Variants in SGCD observed in about 807,000 individuals in gnomAD.
SGCD encodes sarcoglycan delta.
In SGCD, 18 loss-of-function variants were observed where a neutral mutation model predicts 36.6. That is an observed-to-expected ratio of 0.49 (90% CI 0.34 to 0.73). SGCD has a LOEUF of 0.73. Ranked by LOEUF, SGCD falls within the 30% of genes least tolerant of loss-of-function variation. SGCD has a pLI of 0.01. For synonymous variants in SGCD, 133 were observed against 130.6 expected (o/e 1.02, Z -0.12); for missense variants, 387 against 346.7 (o/e 1.12, Z -0.92).
intron 3 of SGCD, among the ~76,000 whole-genome samples, chr5:156,393,039 C>G (rs949129715): frequency 5.3e-5 from 8 of 152,182 alleles, no homozygotes; most frequent in African/African-American, 1.4e-4. Flanking sequence ...GGCACAGGCC[C>G]AGGGTTGGAG....
At chr5:156,292,654 T>A (rs867595427) in intron 3 of SGCD, among the ~76,000 whole-genome samples, 14 of 152,132 alleles carry the variant, frequency 9.2e-5, no homozygotes, top group African/African-American at 3.4e-4. Context: ...TCACTCAATT[T>A]TTAAGTTTCT....
chr5:156,183,617 A>G (rs1763662233), intron 3 of SGCD, among the ~76,000 whole-genome samples: 2 of 152,188 alleles, frequency 1.3e-5, no homozygotes, highest in African/African-American at 4.8e-5. Flanking sequence ...TGTATTGGCC[A>G]GGGTGGTCTC....
intron 7 of SGCD, among the ~76,000 whole-genome samples, chr5:156,725,687 T>G (rs1374981650): frequency 6.6e-6 from 1 of 152,204 alleles, no homozygotes; most frequent in African/African-American, 2.4e-5. Context: ...TAAAATATCC[T>G]GCCAGCCCAT....
intron 3 of SGCD, among the ~76,000 whole-genome samples, chr5:156,264,674 T>C (rs750275966): frequency 6.6e-6 from 1 of 152,072 alleles, no homozygotes; most frequent in Non-Finnish European, 1.5e-5. Context: ...GCACAACAAG[T>C]ATCAACCAGA....
chr5:156,462,327 C>T (rs1303977521), intron 3 of SGCD, among the ~76,000 whole-genome samples: 5 of 152,144 alleles, frequency 3.3e-5, no homozygotes, highest in Admixed American at 6.5e-5. Flanking sequence ...TTTTTTTCTA[C>T]CTTATGACTT....
intron 3 of SGCD, among the ~76,000 whole-genome samples, chr5:156,423,434 T>C (rs1463758420): frequency 7.8e-6 from 1 of 128,062 alleles, no homozygotes; most frequent in Admixed American, 9.8e-5. Flanking sequence ...TAATAAAATA[T>C]AATATATTTA....
chr5:156,287,727 G>A (rs1174807758), intron 3 of SGCD, among the ~76,000 whole-genome samples: 1 of 151,676 alleles, frequency 6.6e-6, no homozygotes, highest in African/African-American at 2.4e-5. Flanking sequence ...ACTCTTTGCT[G>A]ACATTGTTTT....
chr5:156,172,209 G>A (rs7731803), intron 3 of SGCD, among the ~76,000 whole-genome samples: 10,635 of 152,148 alleles, frequency 0.07, 984 homozygotes, highest in African/African-American at 0.21. Flanking sequence ...GCTTGAACCC[G>A]GAGGCAGAGG....
At chr5:155,735,706 G>T in the SGCD span, among the ~76,000 whole-genome samples, 1 of 152,214 alleles carries the variant, frequency 6.6e-6, no homozygotes, top group African/African-American at 2.4e-5. Flanking sequence ...TGAAGCTCTT[G>T]CTGAAAACGA....
At chr5:155,955,363 T>A (rs1032606095) in intron 1 of SGCD, among the ~76,000 whole-genome samples, 9 of 152,100 alleles carry the variant, frequency 5.9e-5, no homozygotes, top group African/African-American at 2.2e-4. Flanking sequence ...ATAAATATTA[T>A]TATGAATTTT....
At chr5:155,763,824 G>C in the SGCD span, among the ~76,000 whole-genome samples, 13 of 150,540 alleles carry the variant, frequency 8.6e-5, no homozygotes, top group South Asian at 2.1e-4. Flanking sequence ...TATAAAAACT[G>C]TAAACATCTC....
chr5:156,013,226 T>G (rs1230930538), intron 1 of SGCD, among the ~76,000 whole-genome samples: 3 of 152,020 alleles, frequency 2.0e-5, no homozygotes, highest in African/African-American at 7.3e-5. Flanking sequence ...AGTTTCACCA[T>G]GTTGGCCAGG....
chr5:156,426,444 T>G (rs1773674592), intron 3 of SGCD, among the ~76,000 whole-genome samples: 1 of 152,148 alleles, frequency 6.6e-6, no homozygotes, highest in Admixed American at 6.6e-5. Context: ...CTCATTTGAG[T>G]TCCTTATAGA....
At chr5:155,743,355 C>T in the SGCD span, among the ~76,000 whole-genome samples, 1 of 152,024 alleles carries the variant, frequency 6.6e-6, no homozygotes, top group African/African-American at 2.4e-5. Flanking sequence ...GTTCAAAGAC[C>T]AATATTACAA....
chr5:156,657,618 C>T (rs906729196), intron 7 of SGCD, among the ~76,000 whole-genome samples: 10 of 151,706 alleles, frequency 6.6e-5, no homozygotes, highest in African/African-American at 2.2e-4. Flanking sequence ...CAAAAATTAG[C>T]TGGGTGTGGT....
At chr5:155,970,417 G>A (rs920327436) in intron 1 of SGCD, among the ~76,000 whole-genome samples, 7 of 152,120 alleles carry the variant, frequency 4.6e-5, no homozygotes, top group African/African-American at 1.7e-4. Flanking sequence ...AATATCCGAT[G>A]TGAATTATGT....
intron 1 of SGCD, among the ~76,000 whole-genome samples, chr5:155,944,603 T>G (rs1757400201): frequency 6.6e-6 from 1 of 152,198 alleles, no homozygotes; most frequent in African/African-American, 2.4e-5. Flanking sequence ...ACAGTCATAA[T>G]AGTTTTATTT....
At chr5:156,501,458 CTCTGAT>C (rs1219822733) in intron 3 of SGCD, among the ~76,000 whole-genome samples, 1 of 152,172 alleles carries the variant, frequency 6.6e-6, no homozygotes, top group African/African-American at 2.4e-5. Flanking sequence ...TGCGCTGCTA[CTCTGAT>C]TCTCTTTATT....
chr5:156,379,933 A>G (rs1770886731), intron 3 of SGCD, among the ~76,000 whole-genome samples: 1 of 152,190 alleles, frequency 6.6e-6, no homozygotes, highest in South Asian at 2.1e-4. Flanking sequence ...CAAATGAGAA[A>G]TAGCCCACTC....
Sources: allele counts gnomAD v4.1 joint callset (sites outside exome capture counted in the v4.1 genomes callset), GRCh38; gene constraint gnomAD v4.1.1; transcripts MANE v1.5; gene names NCBI Gene and HGNC (gene_info 2026-07-23, HGNC 2026-07-21).